PTPN3: variants seen among roughly 807,000 people sequenced by gnomAD.
PTPN3 encodes the protein protein tyrosine phosphatase non-receptor type 3.
PTPN3 carries 96 observed loss-of-function variants against 132.7 expected under a neutral mutation model. The ratio of observed to expected loss-of-function variants is 0.72; its 90% CI spans 0.61 to 0.86. The LOEUF is 0.86. PTPN3 is among the 40% of genes least tolerant of loss of function. The pLI, the probability that PTPN3 is intolerant of heterozygous loss-of-function variation, is 0.00. For synonymous variants in PTPN3, 398 were observed against 429.0 expected (o/e 0.93, Z 0.89); for missense variants, 1,125 against 1,159.6 (o/e 0.97, Z 0.43).
rs1161464165 is a variant in PTPN3 at position 109,426,997 on chromosome 9, C to A, written c.954G>T (p.Lys318Asn). The A allele has an allele frequency of 1.2e-6, 2 of 1,613,940 alleles. No homozygotes were observed. Among genetic ancestry groups the A allele is most frequent in the East Asian group, 4.5e-5 (2 of 44,884 alleles). The change falls in exon 12 of 26, where the codon AAG becomes AAT. Residue 318 changes from lysine to asparagine, a missense_variant. Coordinates refer to ENST00000374541, the MANE Select transcript of PTPN3 (RefSeq NM_002829.4). ...FQAKKLLPQE[K>N]NVLSQYWTMG... is the part of the protein sequence containing the mutation. The stretch of plus-strand genomic sequence containing the variant: ...TAGTCCAGTACTGAGACAGAACATT[C>A]TTTTCCTGAGGTAGTAGCTTCTTTG...
At chr9:109,391,586 C>A (rs746986394) in intron 19 of PTPN3, 25 bp from the exon 20 acceptor site, 2 of 1,549,886 alleles carry the variant, frequency 1.3e-6, no homozygotes, top group Non-Finnish European at 1.8e-6. Flanking sequence ...GAGAAAAAAG[C>A]AAGCATTGCA....
chr9:109,527,202 T>C, the PTPN3 span, among the ~76,000 whole-genome samples: 1 of 152,244 alleles, frequency 6.6e-6, no homozygotes, highest in South Asian at 2.1e-4. Flanking sequence ...GGCTCACACC[T>C]ATAATCCTAG....
At chr9:109,506,170 GCTCTTGACCTTGGGT>G in the PTPN3 span, among the ~76,000 whole-genome samples, 336 of 152,312 alleles carry the variant, frequency 2.2e-3, 1 homozygote, top group African/African-American at 7.5e-3. Flanking sequence ...CAGGCTCTCT[GCTCTTGACCTTGGGT>G]CTCTGATGTC....
the PTPN3 span, among the ~76,000 whole-genome samples, chr9:109,521,832 A>T: frequency 6.6e-6 from 1 of 152,218 alleles, no homozygotes; most frequent in Admixed American, 6.5e-5. Flanking sequence ...AATGACTATT[A>T]TGTTAGAACT....
At position 109,406,577 on chromosome 9, in the gene PTPN3, G is replaced by A; in HGVS notation, c.1677C>T (p.Ile559=). 8.1e-6 allele frequency: 13 copies of A among 1,614,092 alleles called. No individual in the cohort carries two copies. Among genetic ancestry groups the A allele is most frequent in the South Asian group, 2.2e-5 (2 of 91,070 alleles). ...AGATGTCCCGGCCATTGATTAACAC[G>A]ATTTGATCCCCTTCGTTCAGCTTAG... is the stretch of plus-strand genomic sequence containing the variant. ...CIPKLNEGDQ[I]VLINGRDISE... Residue 559 remains isoleucine (I), a synonymous_variant, in exon 18 of 26, where the codon ATC becomes ATT. Coordinates refer to ENST00000374541, the MANE Select transcript of PTPN3 (RefSeq NM_002829.4).
At chr9:109,493,789 G>A (rs897153957) in intron 1 of PTPN3, among the ~76,000 whole-genome samples, 1 of 152,156 alleles carries the variant, frequency 6.6e-6, no homozygotes, top group Non-Finnish European at 1.5e-5. Flanking sequence ...CTATGTAAAG[G>A]CAGCCAGGGG....
At chr9:109,462,802 C>T (rs943014399) in intron 2 of PTPN3, among the ~76,000 whole-genome samples, 2 of 152,082 alleles carry the variant, frequency 1.3e-5, no homozygotes, top group African/African-American at 4.8e-5. Flanking sequence ...TTAACGAGCA[C>T]ATGCTGTGTG....
chr9:109,422,671 A>G, intron 13 of PTPN3, 47 bp downstream of exon 13: 2 of 1,509,772 alleles, frequency 1.3e-6, no homozygotes, highest in Non-Finnish European at 9.0e-7. Flanking sequence ...AAAGAGATAA[A>G]GTGTCTACTG....
At position 109,410,046 on chromosome 9, in the gene PTPN3, T is replaced by A; in HGVS notation, c.1531A>T (p.Ile511Phe). Residue 511 changes from isoleucine to phenylalanine, a missense_variant, in exon 16 of 26, where the codon ATC becomes TTC. Ile to Phe is a conservative substitution (Grantham distance 21, BLOSUM62 0). Coordinates refer to ENST00000374541, the MANE Select transcript of PTPN3 (RefSeq NM_002829.4). Reference sequence around the variant, plus strand: ...CCATCTTCATCTGGTGTGATACGGATCAAGACTAAGTAGCTGTCACCATTA... The same window carrying A: ...CCATCTTCATCTGGTGTGATACGGAACAAGACTAAGTAGCTGTCACCATTA... Reference protein sequence around the residue: ...NDNGDSYLVLIRITPDEDGKF... With the variant: ...NDNGDSYLVLFRITPDEDGKF... 6.2e-7 allele frequency: 1 copy of A among 1,614,216 alleles called. No homozygotes were observed. Among genetic ancestry groups the A allele is most frequent in the Non-Finnish European group, 8.5e-7 (1 of 1,180,036 alleles).
chr9:109,499,416 G>A (rs1278707134), upstream of PTPN3, among the ~76,000 whole-genome samples: 1 of 152,124 alleles, frequency 6.6e-6, no homozygotes, highest in Non-Finnish European at 1.5e-5. Flanking sequence ...GCGCCGGACC[G>A]CTTAGGGAAC....
chr9:109,482,941 C>A lies in PTPN3; in HGVS notation c.-18+15278G>T, dbSNP rs114571736. Among the ~76,000 whole-genome samples, 1,010 of 152,336 alleles carry A rather than the reference C, an allele frequency of 6.6e-3. 11 individuals carry two copies. The highest frequency in any genetic ancestry group is 0.022 in the African/African-American group (923 of 41,570). On this transcript the variant is annotated intron_variant, in intron 1 of 25. Transcript: ENST00000374541. The stretch of plus-strand genomic sequence containing the variant: ...AGGCTGTGGGCTGCTCTAGACACTG[C>A]CCGGTGTTGGAGCCCTATCTGCTGC...
the PTPN3 span, among the ~76,000 whole-genome samples, chr9:109,522,536 ATATT>A: frequency 1.3e-5 from 2 of 152,222 alleles, no homozygotes; most frequent in Non-Finnish European, 2.9e-5. Context: ...TTATAAATGT[ATATT>A]TATTTATACA....
At chr9:109,410,109 C>T (rs1588357561) in intron 15 of PTPN3, 33 bp from the exon 16 acceptor site, 3 of 1,614,196 alleles carry the variant, frequency 1.9e-6, no homozygotes, top group Non-Finnish European at 2.5e-6. Context: ...TCATTTGCAT[C>T]ACATCTCTCT....
chr9:109,477,122 T>G (rs544698646), intron 1 of PTPN3, among the ~76,000 whole-genome samples: 1 of 152,252 alleles, frequency 6.6e-6, no homozygotes, highest in Admixed American at 6.5e-5. Context: ...CCACTCTGAG[T>G]CCACTGATCC....
At chr9:109,467,701 T>A (rs1386714645) in intron 1 of PTPN3, among the ~76,000 whole-genome samples, 1 of 152,190 alleles carries the variant, frequency 6.6e-6, no homozygotes, top group Non-Finnish European at 1.5e-5. Flanking sequence ...GATGCTCCAA[T>A]GGTGGACACT....
At chr9:109,470,972 T>C (rs1846351933) in intron 1 of PTPN3, among the ~76,000 whole-genome samples, 1 of 152,192 alleles carries the variant, frequency 6.6e-6, no homozygotes, top group South Asian at 2.1e-4. Flanking sequence ...AATAATTTTC[T>C]GGACTTATAG....
intron 19 of PTPN3, chr9:109,392,740 A>C (rs1485007137): frequency 6.6e-6 from 1 of 152,062 alleles, no homozygotes; most frequent in Non-Finnish European, 1.5e-5. Context: ...AGTAGCTGGG[A>C]CTACAGGTGT....
chr9:109,534,420 G>A, the PTPN3 span: 1 of 1,388,576 alleles, frequency 7.2e-7, no homozygotes, highest in African/African-American at 1.5e-5. Flanking sequence ...TGGTGGTGGG[G>A]CTGCTCAGGG....
chr9:109,519,682 G>T, the PTPN3 span, among the ~76,000 whole-genome samples: 1 of 152,322 alleles, frequency 6.6e-6, no homozygotes, highest in South Asian at 2.1e-4. Context: ...GTGCAGGGAG[G>T]CTGACCAGTG....
Sources: allele counts gnomAD v4.1 joint callset (sites outside exome capture counted in the v4.1 genomes callset), GRCh38; gene constraint gnomAD v4.1.1; transcripts MANE v1.5; gene names NCBI Gene and HGNC (gene_info 2026-07-23, HGNC 2026-07-21).